Variants in MIGA1 observed in about 807,000 individuals in gnomAD.
The protein encoded by MIGA1 is family with sequence similarity 73, member A.
A neutral mutation model predicts 82.0 loss-of-function variants in MIGA1; 58 were observed. The ratio of observed to expected loss-of-function variants is 0.71; its 90% CI spans 0.57 to 0.88. MIGA1 has a LOEUF of 0.88. MIGA1 is among the 40% of genes least tolerant of loss of function. The probability of loss-of-function intolerance (pLI) is 0.00; values close to 1 mark genes in which losing one functional copy is unlikely to be tolerated. For missense variants in MIGA1, 751 were observed against 749.1 expected (o/e 1.00, Z -0.03); for synonymous variants, 249 against 253.6 (o/e 0.98, Z 0.17).
intron 8 of MIGA1, among the ~76,000 whole-genome samples, chr1:77,857,810 A>G (rs1571004972): frequency 7.2e-6 from 1 of 138,686 alleles, no homozygotes; most frequent in South Asian, 2.2e-4. Context: ...TTGGAATTTC[A>G]TATGTAGAGT....
intron 2 of MIGA1, among the ~76,000 whole-genome samples, chr1:77,800,207 GTGATTCTTGA>G (rs1682819588): frequency 6.6e-6 from 1 of 152,124 alleles, no homozygotes; most frequent in Admixed American, 6.5e-5. Context: ...CGAGTGCCTG[GTGATTCTTGA>G]TGATAAGATA....
intron 15 of MIGA1, among the ~76,000 whole-genome samples, chr1:77,874,614 G>A (rs1646879388): frequency 6.6e-6 from 1 of 151,922 alleles, no homozygotes; most frequent in African/African-American, 2.4e-5. Flanking sequence ...TGTCATCCCT[G>A]AGTAGTAAGT....
At chr1:77,788,057 G>T (rs573912365) in intron 2 of MIGA1, among the ~76,000 whole-genome samples, 35 of 150,152 alleles carry the variant, frequency 2.3e-4, no homozygotes, top group African/African-American at 8.6e-4. Context: ...CGCAATCTCG[G>T]CTCACTGCAA....
chr1:77,848,087 T>C, intron 8 of MIGA1: 1 of 1,302,628 alleles, frequency 7.7e-7, no homozygotes, highest in South Asian at 1.2e-5. Context: ...AAAGGGAAGA[T>C]CAGCACCAAC....
intron 8 of MIGA1, among the ~76,000 whole-genome samples, chr1:77,854,365 T>C (rs902221949): frequency 1.3e-5 from 2 of 152,244 alleles, no homozygotes; most frequent in Non-Finnish European, 2.9e-5. Context: ...TAAACATGCA[T>C]GTGCAAGTAT....
chr1:77,859,672 T>C, intron 10 of MIGA1: 1 of 396,284 alleles, frequency 2.5e-6, no homozygotes. Flanking sequence ...AAAAACACTC[T>C]TTCTTATTAA....
intron 2 of MIGA1, among the ~76,000 whole-genome samples, chr1:77,792,248 C>T (rs1349455280): frequency 6.6e-6 from 1 of 152,162 alleles, no homozygotes; most frequent in Non-Finnish European, 1.5e-5. Flanking sequence ...GTTCCAAGGA[C>T]TATCTCGAAT....
At chr1:77,787,574 A>T (rs1194833288) in intron 2 of MIGA1, among the ~76,000 whole-genome samples, 1 of 149,018 alleles carries the variant, frequency 6.7e-6, no homozygotes, top group Non-Finnish European at 1.5e-5. Context: ...TTTTTAATAG[A>T]GTCAGGGTTT....
chr1:77,785,884 C>G (rs956479455), intron 2 of MIGA1, among the ~76,000 whole-genome samples: 3 of 152,152 alleles, frequency 2.0e-5, no homozygotes, highest in African/African-American at 7.2e-5. Context: ...GGACGGTGGC[C>G]CTCTTCTCAC....
chr1:77,807,575 A>G (rs960742780), intron 5 of MIGA1, among the ~76,000 whole-genome samples: 1 of 152,190 alleles, frequency 6.6e-6, no homozygotes, highest in Non-Finnish European at 1.5e-5. Context: ...GTTAGTTTAA[A>G]CTAATACAAC....
At chr1:77,869,597 C>G (rs1212611416) in intron 14 of MIGA1, among the ~76,000 whole-genome samples, 2 of 143,348 alleles carry the variant, frequency 1.4e-5, no homozygotes, top group Non-Finnish European at 3.1e-5. Context: ...CCCTCCCGGA[C>G]GAGGCGGCTG....
At chr1:77,789,593 T>G (rs1682331218) in intron 2 of MIGA1, among the ~76,000 whole-genome samples, 1 of 152,190 alleles carries the variant, frequency 6.6e-6, no homozygotes, top group Non-Finnish European at 1.5e-5. Flanking sequence ...CAATGAAAGT[T>G]TTTTAAAAAT....
intron 14 of MIGA1, among the ~76,000 whole-genome samples, chr1:77,866,639 A>G (rs973500051): frequency 6.6e-6 from 1 of 151,452 alleles, no homozygotes; most frequent in African/African-American, 2.4e-5. Flanking sequence ...AGTTGGAAAC[A>G]GCTCTGATAA....
rs149674153 is a variant in MIGA1, at chr1:77,789,791, T to A, written c.195+6440T>A. Among the ~76,000 whole-genome samples the A allele has an allele frequency of 7.2e-4, 110 of 152,018 alleles. 1 individual carries two copies. Among genetic ancestry groups the A allele is most frequent in the African/African-American group, 2.5e-3 (104 of 41,456 alleles). On this transcript the variant is annotated intron_variant, in intron 2 of 15. Coordinates refer to ENST00000370791, the MANE Select transcript of MIGA1 (RefSeq NM_198549.4). ...AAAATGGCACAGGCTTATCTTGTAC[T>A]TTTCCTGCTCCATACCTAGAATCAA...
At chr1:77,856,104 G>C (rs951896424) in intron 8 of MIGA1, among the ~76,000 whole-genome samples, 5 of 152,074 alleles carry the variant, frequency 3.3e-5, no homozygotes, top group East Asian at 3.9e-4. Flanking sequence ...AATCATAAAG[G>C]GATGCTGGAT....
At chr1:77,817,600 A>G (rs1683617820) in intron 7 of MIGA1, among the ~76,000 whole-genome samples, 1 of 152,172 alleles carries the variant, frequency 6.6e-6, no homozygotes, top group African/African-American at 2.4e-5. Flanking sequence ...GGATATTGCA[A>G]GTTTGCATTT....
At chr1:77,838,524 T>C (rs1400581416) in intron 7 of MIGA1, among the ~76,000 whole-genome samples, 2 of 152,122 alleles carry the variant, frequency 1.3e-5, no homozygotes, top group Non-Finnish European at 1.5e-5. Context: ...CTCAGCTCAC[T>C]GCAGCCTCCA....
At chr1:77,815,382 T>C in intron 7 of MIGA1, 151 bp downstream of exon 7, 1 of 496,416 alleles carries the variant, frequency 2.0e-6, no homozygotes, top group Non-Finnish European at 3.1e-6. Flanking sequence ...CATATTTCTT[T>C]TTTCTTTCAG....
intron 7 of MIGA1, among the ~76,000 whole-genome samples, chr1:77,830,318 TC>T (rs939443540): frequency 3.3e-5 from 5 of 152,206 alleles, no homozygotes; most frequent in African/African-American, 1.2e-4. Flanking sequence ...ATGTCTTTTT[TC>T]CTAAGTCCCT....
Sources: allele counts gnomAD v4.1 joint callset (sites outside exome capture counted in the v4.1 genomes callset), GRCh38; gene constraint gnomAD v4.1.1; transcripts MANE v1.5; gene names NCBI Gene and HGNC (gene_info 2026-07-23, HGNC 2026-07-21).